The following RECK variants were observed in gnomAD, a reference collection of about 807,000 sequenced individuals.
The protein encoded by RECK is reversion inducing cysteine rich protein with kazal motifs, also known as reversion-inducing cysteine-rich protein with Kazal motifs.
A neutral mutation model predicts 115.1 loss-of-function variants in RECK; 69 were observed. The observed-to-expected ratio is 0.60, with a 90% CI of 0.49 to 0.73. The LOEUF is 0.73. Ranked by LOEUF, RECK falls within the 30% of genes least tolerant of loss-of-function variation. The pLI is 0.00. For synonymous variants in RECK, 414 were observed against 419.7 expected, an observed-to-expected ratio of 0.99 and a Z score of 0.17; for missense variants, 1,047 against 1,203.7, an observed-to-expected ratio of 0.87 and a Z score of 1.93.
intron 1 of RECK, among the ~76,000 whole-genome samples, chr9:36,038,110 C>T (rs1820741702): frequency 6.6e-6 from 1 of 151,100 alleles, no homozygotes; most frequent in African/African-American, 2.4e-5. Flanking sequence ...CCCAGGAGTT[C>T]GAGGCCATCC....
At chr9:36,105,615 C>G (rs1477639049) in intron 13 of RECK, among the ~76,000 whole-genome samples, 1 of 152,076 alleles carries the variant, frequency 6.6e-6, no homozygotes, top group African/African-American at 2.4e-5. Flanking sequence ...CTCAGACCAG[C>G]TTTTTGTACT....
At chr9:36,071,167 T>C (rs1822214901) in intron 6 of RECK, among the ~76,000 whole-genome samples, 1 of 152,170 alleles carries the variant, frequency 6.6e-6, no homozygotes, top group Non-Finnish European at 1.5e-5. Flanking sequence ...TTCCAGGGGG[T>C]GTGAAATACA....
At chr9:36,053,985 G>A (rs1274309165) in intron 2 of RECK, among the ~76,000 whole-genome samples, 2 of 152,148 alleles carry the variant, frequency 1.3e-5, no homozygotes, top group Non-Finnish European at 2.9e-5. Context: ...CTTACTCCCA[G>A]AGGAGGAGAG....
chr9:36,096,557 TA>T (rs1823349369), intron 10 of RECK, among the ~76,000 whole-genome samples: 1 of 151,642 alleles, frequency 6.6e-6, no homozygotes, highest in East Asian at 1.9e-4. Context: ...AAAAATAAAA[TA>T]AAATAAAATA....
At chr9:36,107,940 A>G in intron 13 of RECK, 36 bp from the exon 14 acceptor site, 2 of 1,484,642 alleles carry the variant, frequency 1.3e-6, no homozygotes, top group Admixed American at 1.8e-5. Flanking sequence ...GTCATAGAAC[A>G]GTACCATCTC....
In RECK at chr9:36,112,307, C is replaced by G; in HGVS notation, c.1891C>G (p.Leu631Val). Reference sequence around the variant, plus strand: ...TTGAGGCTGTTTCCTCTCCTCAGGTCTGCCCTGTAACTGTGCAGATCAGTT... The same window carrying G: ...TTGAGGCTGTTTCCTCTCCTCAGGTGTGCCCTGTAACTGTGCAGATCAGTT... ...SEDDRRTFTG[L>V]PCNCADQFVP... Residue 631 changes from leucine to valine, a missense_variant and splice_region_variant, in exon 16 of 21, where the codon CTG (leucine) becomes GTG (valine). Coordinates refer to ENST00000377966, the MANE Select transcript of RECK (RefSeq NM_021111.3). 6.2e-7 allele frequency: 1 copy of G among 1,612,932 alleles called. No homozygotes were observed. The highest frequency in any genetic ancestry group is 8.5e-7 in the Non-Finnish European group (1 of 1,179,894).
At chr9:36,048,768 A>G (rs1314516318) in intron 1 of RECK, among the ~76,000 whole-genome samples, 4 of 152,144 alleles carry the variant, frequency 2.6e-5, no homozygotes, top group Admixed American at 2.6e-4. Flanking sequence ...ATGCCCTTCC[A>G]GGAACCACCT....
chr9:36,102,098 G>A lies in RECK; in HGVS notation c.1303G>A (p.Asp435Asn). Residue 435 changes from aspartate (D) to asparagine (N), a missense_variant, in exon 12 of 21, where the codon GAT (aspartate) becomes AAT (asparagine). Coordinates refer to ENST00000377966, the MANE Select transcript of RECK (RefSeq NM_021111.3). ...TACGTGCATTTTTTTTTCAAGATCAGATTGTGTGGAGATTCTTAAAAAATG... is the reference window on the plus strand; with the variant it reads ...TACGTGCATTTTTTTTTCAAGATCAAATTGTGTGGAGATTCTTAAAAAATG... ...KSRGSIICKS[D>N]CVEILKKCGD... The A allele has an allele frequency of 6.2e-7, 1 of 1,611,214 alleles. No individual in the cohort carries two copies. Among genetic ancestry groups the A allele is most frequent in the East Asian group, 2.2e-5 (1 of 44,820 alleles).
At chr9:36,112,563 G>A in intron 16 of RECK, 87 bp downstream of exon 16, 2 of 1,399,348 alleles carry the variant, frequency 1.4e-6, no homozygotes. Context: ...AAACAGAAAG[G>A]TAAATTAAGA....
intron 7 of RECK, among the ~76,000 whole-genome samples, chr9:36,081,623 C>T (rs896429100): frequency 4.6e-5 from 7 of 152,046 alleles, no homozygotes; most frequent in African/African-American, 1.4e-4. Flanking sequence ...CACTTGAGGT[C>T]AGGAGTTTGA....
At chr9:36,102,277 T>C in intron 12 of RECK, 47 bp downstream of exon 12, 2 of 1,483,306 alleles carry the variant, frequency 1.3e-6, no homozygotes, top group Non-Finnish European at 1.8e-6. Flanking sequence ...AATACTTCTC[T>C]CTTCCAACTA....
chr9:36,051,673 GA>G (rs1416393533), intron 1 of RECK, among the ~76,000 whole-genome samples: 17 of 152,038 alleles, frequency 1.1e-4, no homozygotes, highest in Non-Finnish European at 2.4e-4. Context: ...CTCTTCTTTA[GA>G]ATCTGATGCT....
intron 1 of RECK, among the ~76,000 whole-genome samples, chr9:36,051,157 GGAA>G (rs1259730987): frequency 2.0e-5 from 3 of 151,996 alleles, no homozygotes; most frequent in Non-Finnish European, 4.4e-5. Flanking sequence ...TAAATATCTT[GGAA>G]GAAGAAGTAT....
intron 16 of RECK, among the ~76,000 whole-genome samples, 190 bp downstream of exon 16, chr9:36,112,666 A>G (rs1436414339): frequency 6.6e-6 from 1 of 152,232 alleles, no homozygotes; most frequent in African/African-American, 2.4e-5. Flanking sequence ...GCCCAGAAGT[A>G]GGGCAGTTAA....
rs765933220 is a variant in RECK, at chr9:36,083,573, G to C, written c.637+11G>C. On this transcript the variant is annotated intron_variant, in intron 8 of 20. Coordinates refer to ENST00000377966, the MANE Select transcript of RECK (RefSeq NM_021111.3). ...GGAACCCAACGGATAGTAAGTAAAA[G>C]GGACATATTCTTCTCATTTCAATCT... 6.2e-7 allele frequency: 1 copy of C among 1,609,032 alleles called. No individual in the cohort carries two copies. Among genetic ancestry groups the C allele is most frequent in the East Asian group, 2.2e-5 (1 of 44,800 alleles).
chr9:36,039,605 T>A (rs1051343233), intron 1 of RECK, among the ~76,000 whole-genome samples: 6 of 152,186 alleles, frequency 3.9e-5, no homozygotes, highest in Admixed American at 3.9e-4. Context: ...TATCCTGCAG[T>A]ATCAGCATCG....
chr9:36,086,402 G>C (rs1188662106), intron 8 of RECK, among the ~76,000 whole-genome samples: 1 of 152,078 alleles, frequency 6.6e-6, no homozygotes, highest in Non-Finnish European at 1.5e-5. Flanking sequence ...AGAGTTGTTT[G>C]TTCCTCCCAG....
At chr9:36,107,041 G>C (rs985422085) in intron 13 of RECK, among the ~76,000 whole-genome samples, 1 of 147,754 alleles carries the variant, frequency 6.8e-6, no homozygotes, top group African/African-American at 2.5e-5. Context: ...GGGAGGTGGA[G>C]CTTGCAGTGA....
intron 13 of RECK, among the ~76,000 whole-genome samples, chr9:36,106,095 A>G (rs1272483498): frequency 6.6e-6 from 1 of 151,142 alleles, no homozygotes; most frequent in Non-Finnish European, 1.5e-5. Flanking sequence ...CTGTAGTCCC[A>G]GCTACTCGGG....
Sources: gnomAD v4.1 joint callset for allele counts (sites outside exome capture counted in the v4.1 genomes callset) on GRCh38, gnomAD v4.1.1 for gene constraint, MANE v1.5 for transcripts, NCBI Gene and HGNC (gene_info 2026-07-23, HGNC 2026-07-21) for gene names.